MEF2C: variants seen among roughly 807,000 people sequenced by gnomAD.
MEF2C encodes the protein myocyte enhancer factor 2C, also known as myocyte-specific enhancer factor 2C.
A neutral mutation model predicts 50.5 loss-of-function variants in MEF2C; 6 were observed. The ratio of observed to expected loss-of-function variants is 0.12; its 90% CI spans 0.07 to 0.23. The LOEUF (loss-of-function observed/expected upper bound fraction) is 0.23. MEF2C is among the 10% of genes least tolerant of loss of function. The pLI, the probability that MEF2C is intolerant of heterozygous loss-of-function variation, is 1.00. For synonymous variants in MEF2C, 183 were observed against 228.0 expected (o/e 0.80, Z 1.78); for missense variants, 276 against 605.0 (o/e 0.46, Z 5.70).
intron 4 of MEF2C, among the ~76,000 whole-genome samples, chr5:88,757,347 C>T (rs149592962): frequency 2.3e-4 from 35 of 151,428 alleles, no homozygotes; most frequent in Non-Finnish European, 4.7e-4. Flanking sequence ...CTTCCCCCCA[C>T]CCTTTTTTTG....
At chr5:88,894,322 T>C (rs79892551) in intron 1 of MEF2C, among the ~76,000 whole-genome samples, 1 of 152,320 alleles carries the variant, frequency 6.6e-6, no homozygotes, top group South Asian at 2.1e-4. Flanking sequence ...GATGCTATAC[T>C]GCTTCCTTGT....
intron 6 of MEF2C, chr5:88,735,617 G>A (rs980126121): frequency 2.0e-6 from 2 of 980,774 alleles, no homozygotes; most frequent in African/African-American, 3.5e-5. Flanking sequence ...AAGGATTAGA[G>A]AATCTACCTC....
intron 6 of MEF2C, among the ~76,000 whole-genome samples, chr5:88,744,946 G>A (rs1299313512): frequency 6.6e-6 from 1 of 152,084 alleles, no homozygotes; most frequent in East Asian, 1.9e-4. Flanking sequence ...ATTGGCCCAG[G>A]GTACTCAGCC....
rs149706617 is a variant in MEF2C, at chr5:88,730,246, C to T, written c.811-12G>A. 2.3e-4 allele frequency: 367 copies of T among 1,571,744 alleles called. 2 individuals are homozygous for T. The African/African-American group carries it at 3.5e-3, about 15-fold the overall frequency. On this transcript the variant is annotated splice_polypyrimidine_tract_variant and intron_variant, in intron 7 of 10. Coordinates refer to ENST00000504921, the MANE Select transcript of MEF2C (RefSeq NM_002397.5). ...TCGACATCCTCAGACTGAGAGCATG[C>T]GGAAGGAGTTTTATTAATTAGTGTC...
At chr5:88,753,094 T>C (rs1773604010) in intron 4 of MEF2C, among the ~76,000 whole-genome samples, 1 of 152,214 alleles carries the variant, frequency 6.6e-6, no homozygotes, top group African/African-American at 2.4e-5. Context: ...TTGTTTTTTT[T>C]GGTCCCATTT....
chr5:88,731,490 A>G (rs1761576486), intron 7 of MEF2C: 2 of 414,892 alleles, frequency 4.8e-6, no homozygotes, highest in Non-Finnish European at 4.3e-6. Flanking sequence ...TTCTTATCCT[A>G]GAACATCAGC....
intron 3 of MEF2C, among the ~76,000 whole-genome samples, chr5:88,785,938 G>T (rs148881191): frequency 5.9e-5 from 9 of 151,882 alleles, no homozygotes; most frequent in Non-Finnish European, 1.2e-4. Context: ...CTTTATCATC[G>T]CCCGCATTCT....
intron 1 of MEF2C, among the ~76,000 whole-genome samples, chr5:88,857,747 G>C (rs567323677): frequency 6.6e-6 from 1 of 152,308 alleles, no homozygotes; most frequent in African/African-American, 2.4e-5. Context: ...GGTGCCTTCT[G>C]CCACAATTCT....
At chr5:88,825,610 C>A (rs922553552) in intron 1 of MEF2C, 9 of 984,440 alleles carry the variant, frequency 9.1e-6, no homozygotes, top group Non-Finnish European at 9.6e-6. Flanking sequence ...ACCCACAAAG[C>A]ATAATTGCAT....
intron 6 of MEF2C, chr5:88,737,865 T>C: frequency 6.1e-6 from 6 of 985,358 alleles, no homozygotes; most frequent in Non-Finnish European, 6.0e-6. Context: ...CCAAATTTTA[T>C]ACTCTAGAAA....
At chr5:88,784,670 G>A (rs1266252552) in intron 3 of MEF2C, among the ~76,000 whole-genome samples, 1 of 152,058 alleles carries the variant, frequency 6.6e-6, no homozygotes, top group African/African-American at 2.4e-5. Context: ...TAATATCAAA[G>A]GTAATAATTT....
chr5:88,876,119 C>A (rs1388057482), intron 1 of MEF2C, among the ~76,000 whole-genome samples: 1 of 147,522 alleles, frequency 6.8e-6, no homozygotes, highest in Non-Finnish European at 1.5e-5. Flanking sequence ...TCCCACAAAG[C>A]CATTTAAGTT....
intron 1 of MEF2C, among the ~76,000 whole-genome samples, chr5:88,891,225 C>T (rs1005673380): frequency 6.6e-5 from 10 of 152,130 alleles, no homozygotes; most frequent in African/African-American, 2.4e-5. Flanking sequence ...TGGGATTATC[C>T]TCTTAAAGAG....
At chr5:88,853,781 C>T (rs1822262027) in intron 1 of MEF2C, among the ~76,000 whole-genome samples, 1 of 152,146 alleles carries the variant, frequency 6.6e-6, no homozygotes, top group African/African-American at 2.4e-5. Context: ...ATAAGCGATC[C>T]ACATGGTCAG....
chr5:88,732,001 A>G (rs1761881740), intron 6 of MEF2C, 100 bp from the exon 7 acceptor site: 1 of 1,094,350 alleles, frequency 9.1e-7, no homozygotes, highest in East Asian at 2.6e-5. Context: ...CTTAATGGTA[A>G]GACGTACATT....
chr5:88,805,977 G>T (rs1304336595), intron 2 of MEF2C, among the ~76,000 whole-genome samples: 1 of 151,270 alleles, frequency 6.6e-6, no homozygotes, highest in Non-Finnish European at 1.5e-5. Context: ...TAAGAAAAAA[G>T]TTCAGTGGCC....
At chr5:88,799,765 A>G (rs1379023190) in intron 3 of MEF2C, among the ~76,000 whole-genome samples, 1 of 152,092 alleles carries the variant, frequency 6.6e-6, no homozygotes, top group Non-Finnish European at 1.5e-5. Flanking sequence ...GGTGACAGCA[A>G]ATAAAATTTC....
chr5:88,897,202 A>G (rs1393551749), intron 1 of MEF2C, among the ~76,000 whole-genome samples: 2 of 152,194 alleles, frequency 1.3e-5, no homozygotes, highest in African/African-American at 4.8e-5. Flanking sequence ...TATGATTGCA[A>G]TGATGATTAA....
intron 1 of MEF2C, among the ~76,000 whole-genome samples, chr5:88,865,883 ACATTT>A (rs1827148482): frequency 6.6e-6 from 1 of 151,300 alleles, no homozygotes; most frequent in Non-Finnish European, 1.5e-5. Context: ...TCTTTAAGTC[ACATTT>A]CTTTTCTTTT....
Sources: allele counts gnomAD v4.1 joint callset (sites outside exome capture counted in the v4.1 genomes callset), GRCh38; gene constraint gnomAD v4.1.1; transcripts MANE v1.5; gene names NCBI Gene and HGNC (gene_info 2026-07-23, HGNC 2026-07-21).